INVS: variants seen among roughly 807,000 people sequenced by gnomAD.
INVS encodes the protein inversion of embryo turning homolog.
A neutral mutation model predicts 108.8 loss-of-function variants in INVS; 86 were observed. That is an observed-to-expected ratio of 0.79 (90% CI 0.66 to 0.95). The LOEUF (loss-of-function observed/expected upper bound fraction) is 0.95. Ranked by LOEUF, INVS falls within the 40% of genes least tolerant of loss-of-function variation. The probability of loss-of-function intolerance (pLI) is 0.00; values close to 1 mark genes in which losing one functional copy is unlikely to be tolerated. For missense variants in INVS, 1,169 were observed against 1,297.4 expected (o/e 0.90, Z 1.52); for synonymous variants, 455 against 473.5 (o/e 0.96, Z 0.51).
At chr9:100,208,122 T>G (rs917502576) in intron 3 of INVS, among the ~76,000 whole-genome samples, 4 of 152,218 alleles carry the variant, frequency 2.6e-5, no homozygotes, top group African/African-American at 9.6e-5. Context: ...CTCGGTTGCT[T>G]CTCTTAGTTT....
intron 2 of INVS, among the ~76,000 whole-genome samples, 177 bp downstream of exon 2, chr9:100,104,804 T>C (rs1361316872): frequency 6.6e-6 from 1 of 152,218 alleles, no homozygotes; most frequent in African/African-American, 2.4e-5. Flanking sequence ...CTTAAAAATA[T>C]GGGTTAGGAT....
At chr9:100,207,692 A>G (rs541819095) in intron 3 of INVS, among the ~76,000 whole-genome samples, 1 of 152,236 alleles carries the variant, frequency 6.6e-6, no homozygotes, top group Non-Finnish European at 1.5e-5. Context: ...AAACAAAAAA[A>G]CTAAAAAGGA....
chr9:100,239,560 C>T (rs536653490), intron 5 of INVS, among the ~76,000 whole-genome samples: 83 of 152,214 alleles, frequency 5.5e-4, no homozygotes, highest in Non-Finnish European at 6.6e-4. Flanking sequence ...ATTTTCTGTA[C>T]TTTTTATAAT....
chr9:100,136,817 A>G (rs2118931496), intron 3 of INVS, among the ~76,000 whole-genome samples: 1 of 152,300 alleles, frequency 6.6e-6, no homozygotes, highest in East Asian at 1.9e-4. Context: ...AGGTGGGCAG[A>G]TCACCTGAAG....
chr9:100,115,109 T>A (rs1827467847), intron 2 of INVS, among the ~76,000 whole-genome samples: 1 of 152,160 alleles, frequency 6.6e-6, no homozygotes, highest in South Asian at 2.1e-4. Context: ...TTTGGTATTG[T>A]GAAGTTTGCT....
At chr9:100,245,104 G>A (rs748182675) in intron 7 of INVS, among the ~76,000 whole-genome samples, 3 of 152,084 alleles carry the variant, frequency 2.0e-5, no homozygotes, top group Non-Finnish European at 2.9e-5. Flanking sequence ...AGCACTTTTT[G>A]TCTGAAACTC....
At chr9:100,117,205 G>A in intron 2 of INVS, 1 of 996,068 alleles carries the variant, frequency 1.0e-6, no homozygotes, top group Non-Finnish European at 1.5e-6. Flanking sequence ...CTTCCTTGGA[G>A]CACTTAACAC....
At chr9:100,232,716 T>A (rs1266456947) in intron 5 of INVS, among the ~76,000 whole-genome samples, 1 of 152,148 alleles carries the variant, frequency 6.6e-6, no homozygotes, top group Non-Finnish European at 1.5e-5. Context: ...GGTCTATATA[T>A]CTGTTTTGGT....
At position 100,146,121 on chromosome 9, in the gene INVS, C is replaced by G. The variant is rs147389125; in HGVS notation, c.273+19572C>G. On this transcript the variant is annotated intron_variant, in intron 3 of 16. Coordinates refer to ENST00000262457, the MANE Select transcript of INVS (RefSeq NM_014425.5). ...CCGAGTCACAGCACCAAATTTCATGCGCATCTGTGTAAAGAGACCAACAAG... is the reference window on the plus strand; with the variant it reads ...CCGAGTCACAGCACCAAATTTCATGGGCATCTGTGTAAAGAGACCAACAAG... 4.1e-3 allele frequency among the ~76,000 whole-genome samples: 621 copies of G among 152,252 alleles called. 5 individuals are homozygous for G. The highest frequency in any genetic ancestry group is 0.014 in the African/African-American group (588 of 41,556).
rs374355009 is a variant in INVS, at chr9:100,297,919, T to G, written c.3017-17T>G. ...ATCCCTGGCCAAAGAAAAGTAACAG[T>G]TGTTGGTTCATTTCAGGTTGTTCTC... On this transcript the variant is annotated splice_polypyrimidine_tract_variant and intron_variant, in intron 15 of 16. Coordinates refer to ENST00000262457, the MANE Select transcript of INVS (RefSeq NM_014425.5). The G allele has an allele frequency of 1.2e-6, 2 of 1,613,708 alleles. No homozygotes were observed. The highest frequency in any genetic ancestry group is 1.7e-5 in the Admixed American group (1 of 60,000).
At position 100,246,780 on chromosome 9, in the gene INVS, A is replaced by C. The variant is rs1832062382; in HGVS notation, c.1071A>C (p.Gly357=). 2 of 1,613,800 alleles carry C rather than the reference A, an allele frequency of 1.2e-6. 1 individual carries two copies. Residue 357 remains glycine (G), a synonymous_variant, in exon 8 of 17, where the codon GGA becomes GGC. Transcript: ENST00000262457. ...ATATTAACATGGCTGACAAATATGG[A>C]GGTACAGGTGAGAACTGGTGGACAC... ...DIDINMADKY[G]GTALHAAALS...
intron 11 of INVS, among the ~76,000 whole-genome samples, chr9:100,267,022 A>AG (rs2118640005): frequency 6.8e-6 from 1 of 146,348 alleles, no homozygotes; most frequent in East Asian, 1.9e-4. Context: ...GAAACTCTAA[A>AG]AAAAAAAAAA....
intron 3 of INVS, among the ~76,000 whole-genome samples, chr9:100,148,558 T>G (rs567944622): frequency 1.2e-4 from 19 of 152,228 alleles, no homozygotes; most frequent in African/African-American, 4.3e-4. Context: ...ATTACTCTAG[T>G]GCAAAGAAAA....
intron 2 of INVS, among the ~76,000 whole-genome samples, chr9:100,112,271 C>T (rs577564470): frequency 6.6e-5 from 10 of 152,188 alleles, no homozygotes; most frequent in South Asian, 2.1e-4. Context: ...CACGCCCAGC[C>T]GGGGGATATA....
chr9:100,145,814 C>T (rs1358325876), intron 3 of INVS, among the ~76,000 whole-genome samples: 3 of 151,958 alleles, frequency 2.0e-5, no homozygotes, highest in Non-Finnish European at 4.4e-5. Context: ...TTTGGGTCCA[C>T]GGATAAAACG....
intron 3 of INVS, among the ~76,000 whole-genome samples, chr9:100,180,661 C>G (rs922728852): frequency 2.6e-5 from 4 of 152,086 alleles, no homozygotes; most frequent in African/African-American, 9.7e-5. Flanking sequence ...TCCAAAAACC[C>G]AGGACCAGAC....
chr9:100,203,652 G>A (rs532371172), intron 3 of INVS, among the ~76,000 whole-genome samples: 2 of 151,910 alleles, frequency 1.3e-5, no homozygotes, highest in Admixed American at 6.5e-5. Flanking sequence ...ACAGGCATGC[G>A]CCACCATGCG....
At position 100,297,119 on chromosome 9, in the gene INVS, A is replaced by G; in HGVS notation, c.2989A>G (p.Lys997Glu). The change falls in exon 15 of 17, where the codon AAG becomes GAG. Residue 997 changes from lysine (K) to glutamate (E), a missense_variant. Coordinates refer to ENST00000262457, the MANE Select transcript of INVS (RefSeq NM_014425.5). ...SKGTSGTKST[K>E]HSVLKQIYGC... ...GGGCACCTCAGGCACAAAGTCCACC[A>G]AGCACTCAGTGCTTAAGCAAATCTA... The G allele has an allele frequency of 6.2e-7, 1 of 1,614,056 alleles. No homozygotes were observed. The highest frequency in any genetic ancestry group is 2.2e-5 in the East Asian group (1 of 44,856).
At chr9:100,274,889 C>T (rs1439961579) in intron 12 of INVS, among the ~76,000 whole-genome samples, 1 of 152,162 alleles carries the variant, frequency 6.6e-6, no homozygotes, top group East Asian at 1.9e-4. Flanking sequence ...AATCCTACAT[C>T]TTACCCACAA....
Sources: allele counts gnomAD v4.1 joint callset (sites outside exome capture counted in the v4.1 genomes callset), GRCh38; gene constraint gnomAD v4.1.1; transcripts MANE v1.5; gene names NCBI Gene and HGNC (gene_info 2026-07-23, HGNC 2026-07-21).